The following MROH1 variants were observed in gnomAD, a reference collection of about 807,000 sequenced individuals.
MROH1 encodes the protein maestro heat-like repeat-containing protein family member 1.
Under a neutral mutation model 116.5 loss-of-function variants are expected in MROH1, and 117 were observed. The observed-to-expected ratio is 1.00, with a 90% CI of 0.86 to 1.17. The LOEUF (loss-of-function observed/expected upper bound fraction) is 1.17, where lower values mean the gene tolerates loss of function less well. Among genes scored for constraint, MROH1 ranks in the 50% most tolerant of loss-of-function variants. The pLI is 0.00. For missense variants in MROH1, 1,873 were observed against 1,338.5 expected, an observed-to-expected ratio of 1.40 and a Z score of -6.23; for synonymous variants, 921 against 583.9, an observed-to-expected ratio of 1.58 and a Z score of -8.32.
intron 12 of MROH1, among the ~76,000 whole-genome samples, chr8:144,207,959 T>G (rs916281046): frequency 1.3e-5 from 2 of 151,874 alleles, no homozygotes; most frequent in Non-Finnish European, 2.9e-5. Flanking sequence ...TTTTTTTTTT[T>G]TTTGAGACAG....
intron 14 of MROH1, among the ~76,000 whole-genome samples, chr8:144,235,243 C>G (rs933140957): frequency 9.9e-5 from 15 of 152,158 alleles, no homozygotes; most frequent in Middle Eastern, 3.2e-3. Context: ...CCTTGTTGAA[C>G]TTGCTTATTT....
chr8:144,196,867 C>G (rs1588084917), intron 10 of MROH1, among the ~76,000 whole-genome samples: 3 of 151,760 alleles, frequency 2.0e-5, no homozygotes, highest in Admixed American at 2.0e-4. Context: ...GAGACCGAGG[C>G]GGTGGACCAC....
At chr8:144,207,669 C>T (rs1218610654) in intron 12 of MROH1, among the ~76,000 whole-genome samples, 1 of 152,170 alleles carries the variant, frequency 6.6e-6, no homozygotes, top group African/African-American at 2.4e-5. Flanking sequence ...CCATGCCCAG[C>T]TGTTGTTCAT....
intron 21 of MROH1, 95 bp downstream of exon 21, chr8:144,241,206 CTGTGTGTGCG>C: frequency 1.4e-6 from 1 of 705,234 alleles, no homozygotes; most frequent in Non-Finnish European, 2.6e-6. Flanking sequence ...GCCTGTGTGC[CTGTGTGTGCG>C]TGTGTGCATA....
chr8:144,179,975 ACCTCTCACCAGGGCTCTGCTGCTCCT>A (rs1825154812), intron 5 of MROH1, among the ~76,000 whole-genome samples, 177 bp from the exon 6 acceptor site: 1 of 10,216 alleles, frequency 9.8e-5, no homozygotes, highest in Non-Finnish European at 2.0e-3. Flanking sequence ...GCAGCCCCTC[ACCTCTCACCAGGGCTCTGCTGCTCCT>A]GCGTGTGGGG....
intron 35 of MROH1, among the ~76,000 whole-genome samples, chr8:144,256,196 G>A (rs1342289383): frequency 2.0e-5 from 3 of 152,140 alleles, no homozygotes; most frequent in East Asian, 1.9e-4. Flanking sequence ...CACCTGCCTG[G>A]GGCCATAGCA....
intron 14 of MROH1, among the ~76,000 whole-genome samples, chr8:144,234,891 CTTTTTTTT>C (rs781998549): frequency 7.7e-5 from 8 of 103,566 alleles, no homozygotes; most frequent in Non-Finnish European, 1.3e-4. Context: ...CTTTTTCTTT[CTTTTTTTT>C]TTTTTTTTTT....
In MROH1 at chr8:144,163,931, G is replaced by T. The variant is rs1482952536; in HGVS notation, c.22+83G>T. The T allele has an allele frequency of 7.5e-6, 11 of 1,462,918 alleles. No individual in the cohort carries two copies. Among genetic ancestry groups the T allele is most frequent in the Non-Finnish European group, 9.5e-7 (1 of 1,053,284 alleles). 90.6% of individuals were successfully genotyped at this position (1,462,918 alleles called of 1,614,324 possible). On this transcript the variant is annotated intron_variant, in intron 3 of 43. Transcript: ENST00000326134. The surrounding 1 kb of genome is among the most constrained non-coding windows in gnomAD (Gnocchi z 4.4). Reference sequence around the variant, plus strand: ...TCAGGGCAGGCCAAGGCTCTTACCAGCTCCAATGGTGCCTAGAGTTTCCAC... The same window carrying T: ...TCAGGGCAGGCCAAGGCTCTTACCATCTCCAATGGTGCCTAGAGTTTCCAC...
At chr8:144,195,250 C>CCAGCA (rs1273704883) in intron 10 of MROH1, among the ~76,000 whole-genome samples, 1 of 137,086 alleles carries the variant, frequency 7.3e-6, no homozygotes, top group African/African-American at 2.7e-5. Context: ...GCCTGTAATC[C>CCAGCA]CAGCACTTTG....
intron 1 of MROH1, among the ~76,000 whole-genome samples, chr8:144,149,114 C>T (rs1163537557): frequency 3.9e-5 from 6 of 152,104 alleles, no homozygotes; most frequent in Non-Finnish European, 8.8e-5. Flanking sequence ...GTCCCGAAGA[C>T]CTCGGGTCCC....
chr8:144,220,513 G>A (rs774500600), intron 12 of MROH1, 87 bp from the exon 13 acceptor site: 7 of 1,221,926 alleles, frequency 5.7e-6, no homozygotes, highest in South Asian at 2.8e-5. Flanking sequence ...CGGGGACCAC[G>A]GGGAAGCCAG....
chr8:144,238,626 T>TGGCAGGTGGTGCACATGTCTGC (rs1840443318), intron 14 of MROH1, 130 bp from the exon 15 acceptor site: 1 of 669,754 alleles, frequency 1.5e-6, no homozygotes, highest in African/African-American at 1.8e-5. Flanking sequence ...TTCCTGTCTG[T>TGGCAGGTGGTGCACATGTCTGC]GGCAGGTGGT....
chr8:144,258,992 A>T, intron 36 of MROH1, 78 bp downstream of exon 36: 1 of 656,338 alleles, frequency 1.5e-6, no homozygotes, highest in Non-Finnish European at 2.8e-6. Context: ...TGACAGGATC[A>T]GGCGGGGGCC....
intron 14 of MROH1, among the ~76,000 whole-genome samples, chr8:144,234,134 C>G (rs966757711): frequency 1.3e-5 from 2 of 152,030 alleles, no homozygotes; most frequent in Non-Finnish European, 2.9e-5. Flanking sequence ...CTCAGCCTCC[C>G]GAGCAGCTGG....
At chr8:144,243,381 C>T in intron 24 of MROH1, 113 bp from the exon 25 acceptor site, 2 of 714,246 alleles carry the variant, frequency 2.8e-6, no homozygotes, top group South Asian at 2.9e-5. Context: ...TAGAGAGCTC[C>T]TTTGAGAGCA....
intron 12 of MROH1, among the ~76,000 whole-genome samples, chr8:144,202,013 G>A (rs1459400264): frequency 3.7e-5 from 5 of 136,750 alleles, no homozygotes; most frequent in African/African-American, 1.4e-4. Context: ...GTGAGACTCC[G>A]TCTCCAAAAA....
intron 33 of MROH1, chr8:144,254,400 T>A (rs1351141526): frequency 5.9e-6 from 1 of 169,970 alleles, no homozygotes; most frequent in Non-Finnish European, 1.2e-5. Context: ...TCACGGTGCG[T>A]CTGCGGTGCC....
chr8:144,167,966 C>T (rs1049102948), intron 3 of MROH1, among the ~76,000 whole-genome samples: 2 of 152,140 alleles, frequency 1.3e-5, no homozygotes, highest in Non-Finnish European at 2.9e-5. Context: ...ACCAGAACAG[C>T]CTCATGCCTG....
intron 2 of MROH1, among the ~76,000 whole-genome samples, chr8:144,162,641 C>T (rs1819830740): frequency 6.6e-6 from 1 of 151,776 alleles, no homozygotes; most frequent in Non-Finnish European, 1.5e-5. Flanking sequence ...AAGTGGTCCA[C>T]CTGCCTCAGC....
Sources: allele counts gnomAD v4.1 joint callset (sites outside exome capture counted in the v4.1 genomes callset), GRCh38; gene constraint gnomAD v4.1.1; non-coding constraint Gnocchi (gnomAD v3.1); transcripts MANE v1.5; gene names NCBI Gene and HGNC (gene_info 2026-07-23, HGNC 2026-07-21).